MCF2L2: variants seen among roughly 807,000 people sequenced by gnomAD.
MCF2L2 encodes the protein MCF.2 cell line derived transforming sequence-like 2.
MCF2L2 carries 102 observed loss-of-function variants against 150.2 expected under a neutral mutation model. The observed-to-expected ratio is 0.68, with a 90% CI of 0.58 to 0.80. The LOEUF is 0.80. Among genes scored for constraint, MCF2L2 ranks in the 30% least tolerant of loss-of-function variants. The pLI is 0.00. For synonymous variants in MCF2L2, 465 were observed against 491.3 expected (o/e 0.95, Z 0.71); for missense variants, 1,256 against 1,372.8 (o/e 0.91, Z 1.34).
intron 15 of MCF2L2, among the ~76,000 whole-genome samples, chr3:183,263,100 A>G (rs928286722): frequency 6.6e-6 from 1 of 152,124 alleles, no homozygotes; most frequent in Non-Finnish European, 1.5e-5. Context: ...AGTGTACTAT[A>G]GAGTGAGTAT....
At chr3:183,397,382 G>A (rs572133406) in intron 1 of MCF2L2, among the ~76,000 whole-genome samples, 32 of 152,306 alleles carry the variant, frequency 2.1e-4, no homozygotes, top group African/African-American at 7.5e-4. Context: ...GAGTCCTCAC[G>A]TGGCAGGAGA....
intron 14 of MCF2L2, among the ~76,000 whole-genome samples, chr3:183,280,927 C>T (rs1303552807): frequency 6.6e-6 from 1 of 150,736 alleles, no homozygotes; most frequent in Non-Finnish European, 1.5e-5. Flanking sequence ...GTATTATTCA[C>T]TATTATAATC....
At chr3:183,266,947 C>T (rs572836383) in intron 15 of MCF2L2, among the ~76,000 whole-genome samples, 15 of 152,160 alleles carry the variant, frequency 9.9e-5, no homozygotes, top group South Asian at 6.2e-4. Flanking sequence ...CCACCACACC[C>T]GGCTAATTTT....
chr3:183,231,523 T>A (rs965507535), intron 15 of MCF2L2, among the ~76,000 whole-genome samples: 3 of 152,132 alleles, frequency 2.0e-5, no homozygotes, highest in Non-Finnish European at 4.4e-5. Flanking sequence ...GGCATGATCA[T>A]GGCTCACTGT....
intron 3 of MCF2L2, among the ~76,000 whole-genome samples, chr3:183,351,882 CA>C (rs1411008166): frequency 6.6e-6 from 1 of 152,180 alleles, no homozygotes; most frequent in Admixed American, 6.5e-5. Flanking sequence ...TGGGGGCTAA[CA>C]GAAGCTCATC....
At position 183,289,062 on chromosome 3, in the gene MCF2L2, T is replaced by TG. The variant is rs1257413084; in HGVS notation, c.1776+57dup. 8.0e-6 allele frequency: 9 copies of TG among 1,126,484 alleles called. No individual in the cohort carries two copies. In the African/African-American group the frequency reaches 1.4e-4, roughly 17 times the overall value. The allele number at this position is 1,126,484 out of a possible 1,614,324, so 69.8% of individuals were successfully genotyped here. A position where few individuals can be genotyped will look rare whatever the true frequency, so the allele number is the denominator to read the frequency against. On this transcript the variant is annotated intron_variant, in intron 14 of 29. Transcript: ENST00000328913. Reference sequence around the variant, plus strand: ...CAATTTGTTGATTTATTGATAATTGTGACAGCAATCTTCCCTCTTGTCAGG... The same window carrying TG: ...CAATTTGTTGATTTATTGATAATTGTGGACAGCAATCTTCCCTCTTGTCAGG...
chr3:183,420,649 A>C (rs1355523271), intron 1 of MCF2L2, among the ~76,000 whole-genome samples: 1 of 152,190 alleles, frequency 6.6e-6, no homozygotes, highest in Non-Finnish European at 1.5e-5. Context: ...TAAAGGAAAG[A>C]AGTTTAACTG....
chr3:183,265,314 A>C (rs921264439), intron 15 of MCF2L2: 9 of 152,408 alleles, frequency 5.9e-5, no homozygotes, highest in African/African-American at 1.7e-4. Context: ...CACCCACAGC[A>C]GTCTGTTGTG....
At chr3:183,395,720 A>G (rs538725198) in intron 1 of MCF2L2, among the ~76,000 whole-genome samples, 1 of 152,098 alleles carries the variant, frequency 6.6e-6, no homozygotes, top group East Asian at 1.9e-4. Context: ...GGAGTTTGAG[A>G]CCAGCCTGGC....
At chr3:183,199,704 T>C (rs987158867) in intron 25 of MCF2L2, among the ~76,000 whole-genome samples, 145 of 151,832 alleles carry the variant, frequency 9.6e-4, no homozygotes, top group African/African-American at 3.4e-3. Context: ...ACATGTGCCA[T>C]GTTGGTGTGC....
chr3:183,361,801 T>C (rs977266585), intron 3 of MCF2L2, among the ~76,000 whole-genome samples: 1 of 152,236 alleles, frequency 6.6e-6, no homozygotes, highest in African/African-American at 2.4e-5. Context: ...AAGTATAAGA[T>C]AATAGCTGTT....
chr3:183,297,449 C>A (rs1560006681), intron 11 of MCF2L2: 1 of 346,318 alleles, frequency 2.9e-6, no homozygotes, highest in East Asian at 6.2e-5. Flanking sequence ...CAGGAGGAGA[C>A]AGCTAAATAT....
intron 2 of MCF2L2, among the ~76,000 whole-genome samples, chr3:183,380,973 T>C (rs139157148): frequency 1.2e-4 from 19 of 152,338 alleles, no homozygotes; most frequent in Non-Finnish European, 2.4e-4. Flanking sequence ...AGGACATAGA[T>C]ACATATTAAG....
intron 11 of MCF2L2, chr3:183,297,403 A>T: frequency 2.1e-6 from 1 of 471,656 alleles, no homozygotes; most frequent in South Asian, 2.6e-5. Flanking sequence ...GGTCAGCAAA[A>T]TGAGTCTCTT....
chr3:183,382,279 G>A (rs929123230), intron 2 of MCF2L2, among the ~76,000 whole-genome samples: 1 of 152,088 alleles, frequency 6.6e-6, no homozygotes. Context: ...GGCTGGTCTC[G>A]AACTCCTGAC....
chr3:183,294,628 TA>T (rs1392188631), intron 13 of MCF2L2, among the ~76,000 whole-genome samples: 264 of 132,084 alleles, frequency 2.0e-3, no homozygotes, highest in African/African-American at 7.4e-3. Context: ...TATATATATA[TA>T]TATATTTTTT....
intron 1 of MCF2L2, among the ~76,000 whole-genome samples, chr3:183,418,973 A>G (rs1715737543): frequency 6.6e-6 from 1 of 152,254 alleles, no homozygotes; most frequent in Non-Finnish European, 1.5e-5. Flanking sequence ...ACACTGCCCT[A>G]GCAGAGATTC....
intron 7 of MCF2L2, among the ~76,000 whole-genome samples, chr3:183,312,025 T>C (rs1006753628): frequency 1.3e-5 from 2 of 152,220 alleles, no homozygotes; most frequent in African/African-American, 4.8e-5. Flanking sequence ...ACATCTGCTT[T>C]TTGTATATCT....
rs6788196 is a variant in MCF2L2 at position 183,205,853 on chromosome 3, G to T, written c.2884+23C>A. The stretch of plus-strand genomic sequence containing the variant: ...CTGAAATCAGTATAACTCGACAGAC[G>T]AAAGTCAGCAGGGGTAACCTACCTT... On this transcript the variant is annotated intron_variant, in intron 25 of 29. Coordinates refer to ENST00000328913, the MANE Select transcript of MCF2L2 (RefSeq NM_015078.4). 1.9e-6 allele frequency: 3 copies of T among 1,586,570 alleles called. No individual in the cohort carries two copies. In the African/African-American group the frequency reaches 4.0e-5, roughly 21 times the overall value.
Sources: allele counts gnomAD v4.1 joint callset (sites outside exome capture counted in the v4.1 genomes callset), GRCh38; gene constraint gnomAD v4.1.1; transcripts MANE v1.5; gene names NCBI Gene and HGNC (gene_info 2026-07-23, HGNC 2026-07-21).